ADAMTSL1: variants seen among roughly 807,000 people sequenced by gnomAD.
ADAMTSL1 encodes the protein ADAMTS like 1.
Under a neutral mutation model 201.8 loss-of-function variants are expected in ADAMTSL1, and 126 were observed. That is an observed-to-expected ratio of 0.62 (90% CI 0.54 to 0.72). The LOEUF is 0.72. Ranked by LOEUF, ADAMTSL1 falls within the 30% of genes least tolerant of loss-of-function variation. ADAMTSL1 has a pLI of 0.00. For synonymous variants in ADAMTSL1, 1,121 were observed against 903.4 expected, an observed-to-expected ratio of 1.24 and a Z score of -4.32; for missense variants, 2,679 against 2,277.8, an observed-to-expected ratio of 1.18 and a Z score of -3.59.
At chr9:18,070,389 G>A (rs1029504390) in intron 1 of ADAMTSL1, among the ~76,000 whole-genome samples, 6 of 152,124 alleles carry the variant, frequency 3.9e-5, no homozygotes, top group African/African-American at 1.2e-4. Flanking sequence ...TTAACAGAAC[G>A]AGAAGAAATA....
At position 18,200,243 on chromosome 9, in the gene ADAMTSL1, A is replaced by C. The variant is rs1174977877; in HGVS notation, c.207+36262A>C. Among the ~76,000 whole-genome samples, 4 of 152,060 alleles carry C rather than the reference A, an allele frequency of 2.6e-5. No individual in the cohort carries two copies. In the East Asian group the frequency reaches 7.7e-4, roughly 29 times the overall value. On this transcript the variant is annotated intron_variant, in intron 2 of 29. Transcript: ENST00000680146. ...GAGATCAAGAGTTTGAGATCAGCCTAGGCAAAATAGCGAGACACTATCTCT... is the reference window on the plus strand; with the variant it reads ...GAGATCAAGAGTTTGAGATCAGCCTCGGCAAAATAGCGAGACACTATCTCT...
chr9:18,237,770 T>G (rs1314523891), intron 2 of ADAMTSL1, among the ~76,000 whole-genome samples: 2 of 152,256 alleles, frequency 1.3e-5, no homozygotes, highest in Non-Finnish European at 2.9e-5. Flanking sequence ...ACATAATTCA[T>G]CAGTACTTAA....
intron 2 of ADAMTSL1, among the ~76,000 whole-genome samples, chr9:18,291,154 A>C (rs61520014): frequency 6.6e-6 from 1 of 151,614 alleles, no homozygotes; most frequent in Admixed American, 6.6e-5. Context: ...ATATGTAGGT[A>C]AGCTGAGGAA....
At chr9:18,112,892 G>A (rs1190066255) in intron 1 of ADAMTSL1, among the ~76,000 whole-genome samples, 1 of 152,104 alleles carries the variant, frequency 6.6e-6, no homozygotes, top group Non-Finnish European at 1.5e-5. Flanking sequence ...TTTGTCAGAG[G>A]GATACTGAGG....
chr9:18,201,308 C>T (rs1333123676), intron 2 of ADAMTSL1, among the ~76,000 whole-genome samples: 11 of 152,016 alleles, frequency 7.2e-5, no homozygotes, highest in African/African-American at 2.7e-4. Context: ...AGCCATGTAC[C>T]TTCCAGTATG....
chr9:18,456,641 A>G (rs933701853), intron 2 of ADAMTSL1, among the ~76,000 whole-genome samples: 3 of 152,040 alleles, frequency 2.0e-5, no homozygotes, highest in African/African-American at 7.2e-5. Context: ...CCACATTTCT[A>G]TTTTGTTTTC....
chr9:18,010,286 A>G (rs1172248634), intron 1 of ADAMTSL1, among the ~76,000 whole-genome samples: 1 of 152,042 alleles, frequency 6.6e-6, no homozygotes, highest in Non-Finnish European at 1.5e-5. Context: ...TTAGCAAACA[A>G]TAACATATAA....
chr9:18,537,158 C>A (rs766496730), intron 3 of ADAMTSL1, among the ~76,000 whole-genome samples: 5 of 152,074 alleles, frequency 3.3e-5, no homozygotes, highest in Non-Finnish European at 7.4e-5. Flanking sequence ...AACCAAGACC[C>A]AATTCTCCTG....
intron 2 of ADAMTSL1, among the ~76,000 whole-genome samples, chr9:18,359,922 A>G (rs1032253063): frequency 6.8e-5 from 10 of 147,618 alleles, no homozygotes; most frequent in Non-Finnish European, 1.3e-4. Context: ...TTATTTAACC[A>G]CTCTGAGCCT....
intron 2 of ADAMTSL1, among the ~76,000 whole-genome samples, chr9:18,434,296 G>C (rs1819626646): frequency 6.6e-6 from 1 of 152,250 alleles, no homozygotes; most frequent in Middle Eastern, 3.4e-3. Context: ...GGTTAGTAAA[G>C]AAGAAATGAT....
intron 2 of ADAMTSL1, among the ~76,000 whole-genome samples, chr9:18,202,114 G>T (rs1191646267): frequency 6.6e-6 from 1 of 152,106 alleles, no homozygotes; most frequent in Non-Finnish European, 1.5e-5. Flanking sequence ...AATAAAGTGG[G>T]TTGTAAACAA....
At chr9:18,187,040 C>G (rs982906931) in intron 2 of ADAMTSL1, among the ~76,000 whole-genome samples, 1 of 152,168 alleles carries the variant, frequency 6.6e-6, no homozygotes, top group African/African-American at 2.4e-5. Context: ...AAGTGGTCAT[C>G]TCTTGAGAGC....
intron 5 of ADAMTSL1, among the ~76,000 whole-genome samples, chr9:18,623,215 C>G (rs1314160966): frequency 6.6e-6 from 1 of 150,562 alleles, no homozygotes; most frequent in African/African-American, 2.4e-5. Flanking sequence ...TTTTTATTGA[C>G]CTTTGTGTCC....
At chr9:17,983,656 T>A (rs1011921306) in intron 1 of ADAMTSL1, among the ~76,000 whole-genome samples, 2 of 152,202 alleles carry the variant, frequency 1.3e-5, no homozygotes, top group African/African-American at 4.8e-5. Context: ...TTTATGATTT[T>A]TAAATGGAAA....
chr9:18,523,896 T>C (rs1818868518), intron 2 of ADAMTSL1, among the ~76,000 whole-genome samples: 1 of 134,518 alleles, frequency 7.4e-6, no homozygotes, highest in Non-Finnish European at 1.6e-5. Flanking sequence ...GCTTTGTTCG[T>C]TTGGCTTAGG....
chr9:17,963,999 G>C (rs1234629142), intron 1 of ADAMTSL1, among the ~76,000 whole-genome samples: 1 of 151,866 alleles, frequency 6.6e-6, no homozygotes, highest in Non-Finnish European at 1.5e-5. Flanking sequence ...TTTATTTAGT[G>C]CAATATATGG....
chr9:18,127,300 G>A (rs566418627), intron 1 of ADAMTSL1, among the ~76,000 whole-genome samples: 17 of 152,260 alleles, frequency 1.1e-4, no homozygotes, highest in South Asian at 2.1e-4. Context: ...CCACCTGATG[G>A]ATTACACTGT....
In ADAMTSL1 at chr9:18,331,257, G is replaced by A. The variant is rs1019817027; in HGVS notation, c.207+167276G>A. Among the ~76,000 whole-genome samples, 3 of 152,188 alleles carry A rather than the reference G, an allele frequency of 2.0e-5. No individual in the cohort carries two copies. In the South Asian group the frequency reaches 6.2e-4, roughly 32 times the overall value. ...TTGAGGTAAGCCAAACTGACAGAAA[G>A]GTCTTTGATGCTATGCTGAGGCATT... On this transcript the variant is annotated intron_variant, in intron 2 of 29. Coordinates refer to the ADAMTSL1 transcript ENST00000680146.
intron 4 of ADAMTSL1, among the ~76,000 whole-genome samples, chr9:18,607,738 C>G (rs1234298329): frequency 6.6e-6 from 1 of 151,938 alleles, no homozygotes; most frequent in Non-Finnish European, 1.5e-5. Context: ...TACCCCCACC[C>G]CACAACAGTC....
Sources: allele counts gnomAD v4.1 joint callset (sites outside exome capture counted in the v4.1 genomes callset), GRCh38; gene constraint gnomAD v4.1.1; transcripts MANE v1.5; gene names NCBI Gene and HGNC (gene_info 2026-07-23, HGNC 2026-07-21).